The following UTP20 variants were observed in gnomAD, a reference collection of about 807,000 sequenced individuals.
The protein encoded by UTP20 is UTP20 small subunit processome component.
A neutral mutation model predicts 329.5 loss-of-function variants in UTP20; 164 were observed. That is an observed-to-expected ratio of 0.50 (90% confidence interval 0.44 to 0.57). UTP20 has a LOEUF of 0.57. Ranked by LOEUF, UTP20 falls within the 20% of genes least tolerant of loss-of-function variation. The pLI, the probability that UTP20 is intolerant of heterozygous loss-of-function variation, is 0.00. For synonymous variants in UTP20, 1,151 were observed against 1,159.3 expected (o/e 0.99, Z 0.14); for missense variants, 3,055 against 3,284.2 (o/e 0.93, Z 1.71).
At chr12:101,293,823 C>T (rs1872251754) in intron 11 of UTP20, among the ~76,000 whole-genome samples, 1 of 152,180 alleles carries the variant, frequency 6.6e-6, no homozygotes, top group African/African-American at 2.4e-5. Context: ...CAGGAAGACT[C>T]TTCATCTTGC....
chr12:101,367,751 T>C (rs899333282), intron 47 of UTP20, 109 bp from the exon 48 acceptor site: 11 of 704,190 alleles, frequency 1.6e-5, no homozygotes, highest in Non-Finnish European at 2.2e-5. Context: ...TCATTTCTAA[T>C]AGAAGTATCT....
rs747303067 is a variant in UTP20, at chr12:101,317,610, A to G, written c.2685A>G (p.Ala895=). Residue 895 remains alanine (A), a synonymous_variant, in exon 22 of 62, where the codon GCA becomes GCG. Coordinates refer to ENST00000261637, the MANE Select transcript of UTP20 (RefSeq NM_014503.3). ...AGDDEELEEE[A]VPQDESSQKK... is the part of the protein sequence containing the mutation. The stretch of plus-strand genomic sequence containing the variant: ...ATGATGAAGAGTTGGAGGAAGAGGC[A>G]GTGCCCCAAGATGAATCCTCACAGA... 1 of 1,614,098 alleles carries G rather than the reference A, an allele frequency of 6.2e-7. No homozygotes were observed. The highest frequency in any genetic ancestry group is 2.2e-5 in the East Asian group (1 of 44,884).
intron 60 of UTP20, 48 bp downstream of exon 60, chr12:101,383,717 T>C (rs1330418127): frequency 7.0e-7 from 1 of 1,426,630 alleles, no homozygotes; most frequent in African/African-American, 1.4e-5. Context: ...TGAGGATTTC[T>C]AACTTCTCTC....
chr12:101,346,691 A>G (rs1313886387), intron 38 of UTP20, 103 bp downstream of exon 38: 3 of 1,201,860 alleles, frequency 2.5e-6, no homozygotes, highest in Admixed American at 5.3e-5. Flanking sequence ...TGTCATCACC[A>G]TAATTAGAGG....
intron 39 of UTP20, among the ~76,000 whole-genome samples, chr12:101,352,673 G>C (rs1869571898): frequency 7.5e-6 from 1 of 132,632 alleles, no homozygotes; most frequent in Admixed American, 7.3e-5. Context: ...GGGGTGGGGG[G>C]AGTGGGGAGG....
rs60018951 is a variant in UTP20 at position 101,354,739 on chromosome 12, C to T, written c.5108-93C>T. 2.3e-4 allele frequency: 315 copies of T among 1,351,884 alleles called. 1 individual carries two copies. The East Asian group carries it at 5.4e-3, about 23-fold the overall frequency. 83.7% of individuals were successfully genotyped at this position (1,351,884 alleles called of 1,614,324 possible). On this transcript the variant is annotated intron_variant, in intron 40 of 61. Coordinates refer to ENST00000261637, the MANE Select transcript of UTP20 (RefSeq NM_014503.3). ...CAGTTGCTGATTAGATATTTTTTAT[C>T]GGAAGTTGGACGTTGGTGGGAAAAA... is the stretch of plus-strand genomic sequence containing the variant.
intron 29 of UTP20, among the ~76,000 whole-genome samples, chr12:101,334,952 G>A (rs1868885603): frequency 6.7e-6 from 1 of 150,334 alleles, no homozygotes; most frequent in South Asian, 2.1e-4. Context: ...TAGCCTGGGT[G>A]AAAGCGAGAC....
At position 101,317,771 on chromosome 12, in the gene UTP20, A is replaced by C. The variant is rs973823733; in HGVS notation, c.2738+108A>C. 19 of 1,202,980 alleles carry C rather than the reference A, an allele frequency of 1.6e-5. No homozygotes were observed. In the African/African-American group the frequency reaches 2.5e-4, roughly 16 times the overall value. The allele number at this position is 1,202,980 out of a possible 1,614,324, so 74.5% of individuals were successfully genotyped here. On this transcript the variant is annotated intron_variant, in intron 22 of 61. Transcript: ENST00000261637. ...CAACTACTCAGATAATTATTTACGTAAGCGCTACATCTTCCTGGGATTTTC... is the reference window on the plus strand; with the variant it reads ...CAACTACTCAGATAATTATTTACGTCAGCGCTACATCTTCCTGGGATTTTC...
intron 38 of UTP20, among the ~76,000 whole-genome samples, chr12:101,347,771 A>G (rs1869377192): frequency 6.6e-6 from 1 of 152,202 alleles, no homozygotes; most frequent in Non-Finnish European, 1.5e-5. Context: ...CCATTGAAAT[A>G]TGAATGGTGT....
Position 101,302,639 on chromosome 12 carries a change from C to G in UTP20, c.1781+86C>G, listed in dbSNP as rs1872550900. 1.4e-5 allele frequency: 12 copies of G among 851,804 alleles called. No homozygotes were observed. The South Asian group carries it at 2.2e-4, about 16-fold the overall frequency. The allele number at this position is 851,804 out of a possible 1,614,324, so 52.8% of individuals were successfully genotyped here. The stretch of plus-strand genomic sequence containing the variant: ...TGAAATCTTGGACACAAAGAAAATC[C>G]CTTTGATCTATTTTATACCTGAGTT... On this transcript the variant is annotated intron_variant, in intron 15 of 61. Coordinates refer to ENST00000261637, the MANE Select transcript of UTP20 (RefSeq NM_014503.3).
Position 101,383,623 on chromosome 12 carries a change from C to CAT in UTP20, c.8012_8013dup (p.Ala2672Ter), listed in dbSNP as rs1870728706. 1 of 1,613,742 alleles carries CAT rather than the reference C, an allele frequency of 6.2e-7. No homozygotes were observed. The highest frequency in any genetic ancestry group is 8.5e-7 in the Non-Finnish European group (1 of 1,179,906). ...AGGTAAAGCCGTATCTCCCAATGAT[C>CAT]ATAGCTCCTTTGTTTCGGGAACTCA... is the stretch of plus-strand genomic sequence containing the variant. On this transcript the variant is annotated frameshift_variant, in exon 60 of 62. Transcript: ENST00000261637. LOFTEE classifies it high-confidence loss of function.
chr12:101,299,325 A>C (rs1301890092), intron 12 of UTP20, among the ~76,000 whole-genome samples: 3 of 152,242 alleles, frequency 2.0e-5, no homozygotes, highest in Non-Finnish European at 2.9e-5. Context: ...GGAAAGTAGT[A>C]AAATTCATGT....
chr12:101,313,387 G>A (rs1399559226), intron 21 of UTP20, among the ~76,000 whole-genome samples: 2 of 127,876 alleles, frequency 1.6e-5, no homozygotes, highest in Non-Finnish European at 3.2e-5. Context: ...AGGCCTTTAA[G>A]TGATAGGAAG....
intron 39 of UTP20, 128 bp from the exon 40 acceptor site, chr12:101,352,919 C>G: frequency 2.3e-6 from 1 of 434,460 alleles, no homozygotes. Flanking sequence ...TATGCTAATA[C>G]TTGTTAAAAT....
chr12:101,378,697 C>T (rs1386439672), intron 56 of UTP20, among the ~76,000 whole-genome samples: 1 of 150,202 alleles, frequency 6.7e-6, no homozygotes, highest in African/African-American at 2.5e-5. Flanking sequence ...CCAGCCTGGG[C>T]AATGGGAATG....
At chr12:101,290,597 C>A (rs1872110171) in intron 7 of UTP20, 136 bp from the exon 8 acceptor site, 2 of 945,480 alleles carry the variant, frequency 2.1e-6, no homozygotes, top group Admixed American at 6.7e-5. Context: ...ACGTTATTAA[C>A]CATCAAAGTT....
chr12:101,364,402 T>C (rs924459977), intron 45 of UTP20, among the ~76,000 whole-genome samples: 1 of 152,174 alleles, frequency 6.6e-6, no homozygotes, highest in Non-Finnish European at 1.5e-5. Context: ...ACATTATCTC[T>C]CCTAATCTGC....
rs776588186 is a variant in UTP20 at position 101,355,117 on chromosome 12, C to G, written c.5393C>G (p.Thr1798Arg). Reference protein sequence around the residue: ...LPRLHKCLASTTKREEEHKLV... With the variant: ...LPRLHKCLASRTKREEEHKLV... ...AGGCTACATAAATGCCTTGCATCTA[C>G]GGTAATAAATTTATTCGGGGTCCAG... Residue 1798 changes from threonine to arginine, a missense_variant and splice_region_variant, in exon 41 of 62, where the codon ACG becomes AGG. Thr to Arg is a moderately conservative substitution (Grantham distance 71). Around this residue, in one of 3 missense-constraint regions of UTP20, gnomAD observed 2,445 missense variants for 2,575.5 expected, o/e 0.95. Transcript: ENST00000261637. 3 of 1,611,694 alleles carry G rather than the reference C, an allele frequency of 1.9e-6. No homozygotes were observed. In the Admixed American group the frequency reaches 5.0e-5, roughly 27 times the overall value.
chr12:101,312,348 C>A, intron 21 of UTP20, 72 bp downstream of exon 21: 1 of 1,549,814 alleles, frequency 6.5e-7, no homozygotes, highest in Non-Finnish European at 8.7e-7. Flanking sequence ...ATTAACCTCC[C>A]AAAGTGGCTG....
Sources: allele counts gnomAD v4.1 joint callset (sites outside exome capture counted in the v4.1 genomes callset), GRCh38; gene constraint gnomAD v4.1.1; regional missense constraint gnomAD v4.1.1; transcripts MANE v1.5; gene names NCBI Gene and HGNC (gene_info 2026-07-23, HGNC 2026-07-21).